TEX9: variants seen among roughly 807,000 people sequenced by gnomAD.
TEX9 encodes the protein testis expressed 9.
In TEX9, 74 loss-of-function variants were observed where a neutral mutation model predicts 59.6. That is an observed-to-expected ratio of 1.24 (90% CI 1.03 to 1.51). The LOEUF (loss-of-function observed/expected upper bound fraction) is 1.51, where lower values mean the gene tolerates loss of function less well. Among genes scored for constraint, TEX9 ranks in the 40% most tolerant of loss-of-function variants. The pLI, the probability that TEX9 is intolerant of heterozygous loss-of-function variation, is 0.00. For synonymous variants in TEX9, 186 were observed against 152.2 expected (o/e 1.22, Z -1.64); for missense variants, 522 against 447.8 (o/e 1.17, Z -1.49).
chr15:56,266,573 A>C (rs764035282), intron 1 of TEX9, among the ~76,000 whole-genome samples: 1 of 149,284 alleles, frequency 6.7e-6, no homozygotes, highest in Non-Finnish European at 1.5e-5. Flanking sequence ...GAGAACACGC[A>C]GTGTTTGGTT....
intron 3 of TEX9, 136 bp downstream of exon 3, chr15:56,373,640 T>C (rs1375885945): frequency 1.6e-6 from 1 of 624,150 alleles, no homozygotes. Context: ...AAATTGAACA[T>C]GAATATATAT....
chr15:56,309,243 C>G (rs2045549163), intron 1 of TEX9, among the ~76,000 whole-genome samples: 1 of 152,028 alleles, frequency 6.6e-6, no homozygotes, highest in Non-Finnish European at 1.5e-5. Flanking sequence ...CCTTCTATTC[C>G]TGATTTGCTG....
intron 1 of TEX9, among the ~76,000 whole-genome samples, chr15:56,346,415 G>T (rs2046471274): frequency 6.6e-6 from 1 of 152,138 alleles, no homozygotes; most frequent in African/African-American, 2.4e-5. Context: ...GTGTTTCCTG[G>T]ATCCCAGGAT....
chr15:56,397,641 G>C (rs2048543839), intron 9 of TEX9: 1 of 152,086 alleles, frequency 6.6e-6, no homozygotes, highest in Non-Finnish European at 1.5e-5. Context: ...AGGGTCTTGG[G>C]GTAGAATATG....
chr15:56,351,176 T>A (rs1195792950), intron 1 of TEX9, among the ~76,000 whole-genome samples: 1 of 152,160 alleles, frequency 6.6e-6, no homozygotes, highest in Non-Finnish European at 1.5e-5. Flanking sequence ...GAAAGATAAA[T>A]CTCACATTAT....
chr15:56,380,218 A>C (rs1255963600), intron 3 of TEX9, among the ~76,000 whole-genome samples: 1 of 152,120 alleles, frequency 6.6e-6, no homozygotes, highest in East Asian at 1.9e-4. Context: ...GAGGCTTGCA[A>C]ATACTATCAT....
intron 4 of TEX9, among the ~76,000 whole-genome samples, chr15:56,387,617 G>C (rs2048020112): frequency 6.6e-6 from 1 of 151,862 alleles, no homozygotes; most frequent in Non-Finnish European, 1.5e-5. Context: ...GGGATATAGT[G>C]GAGTTTTTTC....
chr15:56,297,566 G>A (rs1231454662), intron 1 of TEX9, among the ~76,000 whole-genome samples: 3 of 152,110 alleles, frequency 2.0e-5, no homozygotes, highest in South Asian at 4.2e-4. Context: ...GTGCAGTGGT[G>A]CGATCTTGGC....
At chr15:56,244,832 A>G (rs1201402308) in intron 1 of TEX9, among the ~76,000 whole-genome samples, 3 of 94,518 alleles carry the variant, frequency 3.2e-5, no homozygotes, top group Non-Finnish European at 6.6e-5. Flanking sequence ...CCCCCTTCCC[A>G]TTCATACCTA....
chr15:56,315,289 C>T (rs1434193998), intron 1 of TEX9, among the ~76,000 whole-genome samples: 69 of 139,944 alleles, frequency 4.9e-4, no homozygotes, highest in Admixed American at 8.3e-4. Flanking sequence ...CGGCTGGTAC[C>T]GGTTGTTCCT....
chr15:56,346,299 C>T (rs1334462197), intron 1 of TEX9, among the ~76,000 whole-genome samples: 1 of 152,120 alleles, frequency 6.6e-6, no homozygotes, highest in Non-Finnish European at 1.5e-5. Flanking sequence ...TCAGCTCATT[C>T]TTCAGAGGAG....
chr15:56,290,051 C>G (rs1416649625), intron 1 of TEX9, among the ~76,000 whole-genome samples: 1 of 152,088 alleles, frequency 6.6e-6, no homozygotes, highest in Non-Finnish European at 1.5e-5. Context: ...TCTCTGGTGT[C>G]TGAGATGTGG....
intron 1 of TEX9, among the ~76,000 whole-genome samples, chr15:56,253,705 AC>A (rs2044081853): frequency 6.6e-6 from 1 of 152,146 alleles, no homozygotes; most frequent in Non-Finnish European, 1.5e-5. Context: ...GAATTCCATA[AC>A]AGGATGAGCT....
At chr15:56,345,958 G>A (rs147851492) in intron 1 of TEX9, among the ~76,000 whole-genome samples, 1,962 of 152,280 alleles carry the variant, frequency 0.013, 19 homozygotes, top group Non-Finnish European at 0.02. Context: ...ATACAACAGG[G>A]TTACAACTTG....
Position 56,368,792 on chromosome 15 carries a change from C to T in TEX9, c.119+3122C>T, listed in dbSNP as rs113122268. ...GCTTTCCAATATTGTTTATTTTTGTCTTTTTCTTTTTCTATCAAGCTTCCT... is the reference window on the plus strand; with the variant it reads ...GCTTTCCAATATTGTTTATTTTTGTTTTTTTCTTTTTCTATCAAGCTTCCT... On this transcript the variant is annotated intron_variant, in intron 2 of 12. Transcript: ENST00000352903. Among the ~76,000 whole-genome samples the T allele has an allele frequency of 5.5e-3, 833 of 152,034 alleles. 3 individuals carry two copies. The highest frequency in any genetic ancestry group is 0.014 in the Middle Eastern group (4 of 294).
At chr15:56,425,139 G>A (rs2050181211) in intron 10 of TEX9, among the ~76,000 whole-genome samples, 1 of 152,080 alleles carries the variant, frequency 6.6e-6, no homozygotes, top group Non-Finnish European at 1.5e-5. Flanking sequence ...TGCATGTGAT[G>A]AGCCATTTTG....
chr15:56,284,127 T>C (rs2044884488), intron 1 of TEX9, among the ~76,000 whole-genome samples: 1 of 151,574 alleles, frequency 6.6e-6, no homozygotes, highest in Admixed American at 6.6e-5. Context: ...CTAAAAATGT[T>C]TATGTCTTTT....
intron 1 of TEX9, among the ~76,000 whole-genome samples, chr15:56,327,390 A>G (rs1224712982): frequency 6.6e-6 from 1 of 152,210 alleles, no homozygotes; most frequent in East Asian, 1.9e-4. Context: ...TATTAAAACA[A>G]TGCTTAAAAG....
chr15:56,246,913 A>G (rs1044711387), intron 1 of TEX9, among the ~76,000 whole-genome samples: 2 of 152,186 alleles, frequency 1.3e-5, no homozygotes, highest in Non-Finnish European at 2.9e-5. Context: ...GGGTTGCTAT[A>G]AGGAAAACAT....
Sources: allele counts gnomAD v4.1 joint callset (sites outside exome capture counted in the v4.1 genomes callset), GRCh38; gene constraint gnomAD v4.1.1; transcripts MANE v1.5; gene names NCBI Gene and HGNC (gene_info 2026-07-23, HGNC 2026-07-21).